PLXNA1: variants seen among roughly 807,000 people sequenced by gnomAD.
The protein encoded by PLXNA1 is plexin A1.
Under a neutral mutation model 191.7 loss-of-function variants are expected in PLXNA1, and 77 were observed. The observed-to-expected ratio is 0.40, with a 90% CI of 0.33 to 0.49. PLXNA1 has a LOEUF of 0.49. PLXNA1 is among the 20% of genes least tolerant of loss of function. PLXNA1 has a pLI of 0.63. For missense variants in PLXNA1, 2,110 were observed against 2,660.2 expected, an observed-to-expected ratio of 0.79 and a Z score of 4.55; for synonymous variants, 1,137 against 1,156.4, an observed-to-expected ratio of 0.98 and a Z score of 0.34.
intron 14 of PLXNA1, among the ~76,000 whole-genome samples, 164 bp from the exon 15 acceptor site, chr3:127,015,020 G>T (rs1363135096): frequency 1.3e-5 from 2 of 152,190 alleles, no homozygotes; most frequent in Admixed American, 6.5e-5. Context: ...CTTGGGCTGT[G>T]CCTGAGAAAC....
intron 9 of PLXNA1, among the ~76,000 whole-genome samples, chr3:127,011,628 C>G (rs751412049): frequency 2.0e-5 from 3 of 152,150 alleles, no homozygotes; most frequent in Non-Finnish European, 4.4e-5. Flanking sequence ...GGGCCCCCAG[C>G]GCAGAGCCTG....
chr3:127,002,874 C>T (rs867610062), intron 3 of PLXNA1, among the ~76,000 whole-genome samples: 8 of 152,256 alleles, frequency 5.3e-5, no homozygotes, highest in Middle Eastern at 3.4e-3. Flanking sequence ...ATTCTGGAGT[C>T]TCCTGGTCCA....
At position 127,020,361 on chromosome 3, in the gene PLXNA1, C is replaced by CG. The variant is rs748559072; in HGVS notation, c.4038+23dup. 1.5e-4 allele frequency: 235 copies of CG among 1,610,518 alleles called. No homozygotes were observed. The highest frequency in any genetic ancestry group is 2.4e-4 in the African/African-American group (18 of 75,020). ...GAGATGGAGGTAGGACCACTGGCTCCGGGGGGTCACAGGAACTCAGAGGCA... is the reference window on the plus strand; with the variant it reads ...GAGATGGAGGTAGGACCACTGGCTCCGGGGGGGTCACAGGAACTCAGAGGCA... On this transcript the variant is annotated intron_variant, in intron 21 of 31. Coordinates refer to ENST00000393409, the MANE Select transcript of PLXNA1 (RefSeq NM_032242.4).
chr3:126,985,202 G>A (rs769132935), intron 1 of PLXNA1, among the ~76,000 whole-genome samples: 5 of 152,110 alleles, frequency 3.3e-5, no homozygotes, highest in Non-Finnish European at 5.9e-5. Context: ...CTCAGGCCAG[G>A]AAAGGGAAGG....
chr3:127,014,312 AC>A lies in PLXNA1; in HGVS notation c.2543del (p.Pro848LeufsTer112). 6.3e-7 allele frequency: 1 copy of A among 1,597,112 alleles called. No individual in the cohort carries two copies. The highest frequency in any genetic ancestry group is 8.5e-7 in the Non-Finnish European group (1 of 1,176,286). ...TGCGACACCACTGCGCTGCCGACAC[AC>A]CTGCATCGTGGATGCACGCGCGTCA... ...SLRHHCAADT[P>X]ASWMHARHGS... On this transcript the variant is annotated frameshift_variant, in exon 12 of 32. Transcript: ENST00000393409. LOFTEE classifies it high-confidence loss of function.
At chr3:127,014,855 T>C in intron 14 of PLXNA1, 24 bp downstream of exon 14, 2 of 1,606,514 alleles carry the variant, frequency 1.2e-6, no homozygotes, top group African/African-American at 1.3e-5. Context: ...CCTCCCTCTC[T>C]CCCTATTCTC....
chr3:127,005,530 A>G (rs999777785), intron 7 of PLXNA1, among the ~76,000 whole-genome samples: 2 of 152,218 alleles, frequency 1.3e-5, no homozygotes, highest in African/African-American at 4.8e-5. Flanking sequence ...GAATAGCCAT[A>G]GACACATGAG....
chr3:126,996,225 G>A (rs1442265637), intron 3 of PLXNA1, among the ~76,000 whole-genome samples: 2 of 152,158 alleles, frequency 1.3e-5, no homozygotes, highest in East Asian at 1.9e-4. Context: ...CCTGCGCAGC[G>A]TGGGAGGTGT....
In PLXNA1 at chr3:127,018,472, G is replaced by A. The variant is rs754446783; in HGVS notation, c.3839G>A (p.Arg1280Gln). The A allele has an allele frequency of 3.1e-6, 5 of 1,612,770 alleles. No individual in the cohort carries two copies. Among genetic ancestry groups the A allele is most frequent in the South Asian group, 1.1e-5 (1 of 91,068 alleles). ...KSRDADRTLKRLQLQMDNLES... is the reference protein window; with the variant it reads ...KSRDADRTLKQLQLQMDNLES... ...CGAGATGCTGACCGCACACTCAAGC[G>A]GCTGCAGCTCCAGATGGACAACCTG... Residue 1280 changes from arginine (R) to glutamine (Q), a missense_variant, in exon 20 of 32, where the codon CGG becomes CAG. Arg to Gln is a conservative substitution (Grantham distance 43). Transcript: ENST00000393409.
rs539601707 is a variant in PLXNA1, at chr3:127,022,255, C to T, written c.4209C>T (p.Tyr1403=). Residue 1403 remains tyrosine (Y), a synonymous_variant, in exon 22 of 32, where the codon TAC becomes TAT. Transcript: ENST00000393409. ...IMTALQGEME[Y]ATGVLKQLLS... ...CGGCCCTGCAGGGCGAGATGGAATACGCCACAGGCGTGCTCAAGCAGCTGC... is the reference window on the plus strand; with the variant it reads ...CGGCCCTGCAGGGCGAGATGGAATATGCCACAGGCGTGCTCAAGCAGCTGC... 22 of 1,613,512 alleles carry T rather than the reference C, an allele frequency of 1.4e-5. No homozygotes were observed. The highest frequency in any genetic ancestry group is 2.7e-5 in the African/African-American group (2 of 75,068).
chr3:127,002,534 G>C (rs567579668), intron 3 of PLXNA1, among the ~76,000 whole-genome samples: 4 of 152,218 alleles, frequency 2.6e-5, no homozygotes, highest in African/African-American at 9.6e-5. Context: ...CCTGCCCTGA[G>C]GTGGAAGTGG....
In PLXNA1 at chr3:127,028,189, C is replaced by A. The variant is rs545498937; in HGVS notation, c.4518C>A (p.Asn1506Lys). The part of the protein sequence containing the change: ...QQIDYKTLTL[N>K]CVNPENENAP... ...CTCCACCCCGCCCGCAGACCCTGAA[C>A]TGTGTGAACCCTGAGAATGAGAATG... The change falls in exon 25 of 32, where the codon AAC (asparagine) becomes AAA (lysine). Residue 1506 changes from asparagine to lysine, a missense_variant. Transcript: ENST00000393409. The A allele has an allele frequency of 6.2e-7, 1 of 1,613,118 alleles. No individual in the cohort carries two copies. The highest frequency in any genetic ancestry group is 8.5e-7 in the Non-Finnish European group (1 of 1,179,986).
intron 7 of PLXNA1, among the ~76,000 whole-genome samples, chr3:127,005,500 T>G (rs2079062432): frequency 6.6e-6 from 1 of 152,200 alleles, no homozygotes; most frequent in Admixed American, 6.5e-5. Context: ...TCTTATGGGC[T>G]CACCATACAT....
intron 8 of PLXNA1, among the ~76,000 whole-genome samples, chr3:127,006,617 G>A (rs750275876): frequency 1.3e-5 from 2 of 152,164 alleles, no homozygotes; most frequent in Non-Finnish European, 2.9e-5. Context: ...GGCTGGTTTG[G>A]GGGCCTGAGC....
chr3:127,019,437 G>A (rs1453466671), intron 20 of PLXNA1, among the ~76,000 whole-genome samples: 1 of 152,192 alleles, frequency 6.6e-6, no homozygotes, highest in East Asian at 1.9e-4. Context: ...GAGGCAGGTG[G>A]CCTGGACCTC....
At chr3:127,015,407 G>A (rs1391644111) in intron 15 of PLXNA1, 87 bp downstream of exon 15, 20 of 1,492,026 alleles carry the variant, frequency 1.3e-5, no homozygotes, top group Middle Eastern at 2.3e-4. Context: ...CCTGGGCAAC[G>A]GGGCTATGGA....
chr3:127,022,893 T>C (rs147932963), intron 23 of PLXNA1, 75 bp downstream of exon 23: 96 of 1,295,138 alleles, frequency 7.4e-5, no homozygotes, highest in Middle Eastern at 6.2e-4. Flanking sequence ...GAGGTGGGGA[T>C]TAGTGGGAGG....
intron 23 of PLXNA1, among the ~76,000 whole-genome samples, chr3:127,024,870 C>T (rs1203395623): frequency 6.6e-6 from 1 of 152,136 alleles, no homozygotes; most frequent in Non-Finnish European, 1.5e-5. Flanking sequence ...TTTTTGCCAC[C>T]ATATCTGGGG....
In PLXNA1 at chr3:126,988,822, A is replaced by C. The variant is rs779766532; in HGVS notation, c.229A>C (p.Asn77His). The change falls in exon 2 of 32, where the codon AAC becomes CAC. Residue 77 changes from asparagine (N) to histidine (H), a missense_variant. Asn to His is a moderately conservative substitution (Grantham distance 68, BLOSUM62 1). Transcript: ENST00000393409. ...AVNRIYKLSG[N>H]LTLLRAHVTG... ...GAACCGCATCTATAAGCTGTCGGGGAACCTGACACTGCTGCGGGCCCACGT... is the reference window on the plus strand; with the variant it reads ...GAACCGCATCTATAAGCTGTCGGGGCACCTGACACTGCTGCGGGCCCACGT... 69 of 1,613,246 alleles carry C rather than the reference A, an allele frequency of 4.3e-5. No homozygotes were observed. The highest frequency in any genetic ancestry group is 5.8e-5 in the Non-Finnish European group (69 of 1,179,942).
Sources: gnomAD v4.1 joint callset for allele counts (sites outside exome capture counted in the v4.1 genomes callset) on GRCh38, gnomAD v4.1.1 for gene constraint, MANE v1.5 for transcripts, NCBI Gene and HGNC (gene_info 2026-07-23, HGNC 2026-07-21) for gene names.